CSMD1: variants seen among roughly 807,000 people sequenced by gnomAD.
The protein encoded by CSMD1 is CUB and Sushi multiple domains 1.
CSMD1 carries 213 observed loss-of-function variants against 417.5 expected under a neutral mutation model. That is an observed-to-expected ratio of 0.51 (90% confidence interval 0.46 to 0.57). CSMD1 has a LOEUF of 0.57. CSMD1 is among the 20% of genes least tolerant of loss of function. The pLI is 0.00. For synonymous variants in CSMD1, 2,862 were observed against 1,736.8 expected (o/e 1.65, Z -16.11); for missense variants, 6,923 against 4,529.7 (o/e 1.53, Z -15.17).
chr8:4,387,467 TG>T (rs1803526629), intron 3 of CSMD1, among the ~76,000 whole-genome samples: 2 of 150,760 alleles, frequency 1.3e-5, no homozygotes, highest in Admixed American at 6.7e-5. Flanking sequence ...ATCAGGAAGT[TG>T]AGTGTACTTT....
chr8:3,380,198 C>G (rs1043385349), intron 18 of CSMD1, among the ~76,000 whole-genome samples: 2 of 152,188 alleles, frequency 1.3e-5, no homozygotes, highest in Admixed American at 1.3e-4. Flanking sequence ...GACACAGTCT[C>G]ACAACCGTTA....
chr8:3,761,053 C>T (rs1039273449), intron 5 of CSMD1, among the ~76,000 whole-genome samples: 1 of 152,128 alleles, frequency 6.6e-6, no homozygotes, highest in African/African-American at 2.4e-5. Flanking sequence ...ATAGAACAAC[C>T]TGATCAAACA....
rs149945376 is a variant in CSMD1 at position 3,399,661 on chromosome 8, A to G, written c.2267-132T>C. ...ATTTTCAAGTATCAAAGCAAATCTT[A>G]TTCCCAAGGAAACTGTACATTTATT... On this transcript the variant is annotated intron_variant, in intron 15 of 69. Coordinates refer to ENST00000635120, the MANE Select transcript of CSMD1 (RefSeq NM_033225.6). The G allele has an allele frequency of 2.0e-3, 1,305 of 641,844 alleles. 6 individuals carry two copies. The Middle Eastern group carries it at 0.023, about 11-fold the overall frequency. 39.8% of individuals were successfully genotyped at this position (641,844 alleles called of 1,614,324 possible).
chr8:3,246,795 T>A (rs1799912951), intron 26 of CSMD1, among the ~76,000 whole-genome samples: 1 of 152,190 alleles, frequency 6.6e-6, no homozygotes. Flanking sequence ...TAATCATCAA[T>A]ATTTACATGG....
intron 1 of CSMD1, among the ~76,000 whole-genome samples, chr8:4,638,266 A>C (rs1052613425): frequency 6.6e-6 from 1 of 152,172 alleles, no homozygotes; most frequent in African/African-American, 2.4e-5. Flanking sequence ...AAGAATAAAC[A>C]TTATAAAACT....
intron 2 of CSMD1, among the ~76,000 whole-genome samples, chr8:4,561,961 G>C (rs777819630): frequency 6.6e-6 from 1 of 152,102 alleles, no homozygotes; most frequent in Non-Finnish European, 1.5e-5. Context: ...CCCTCACAAC[G>C]CCCATCCGGT....
chr8:3,587,410 G>A (rs982094661), intron 8 of CSMD1, among the ~76,000 whole-genome samples: 1 of 152,188 alleles, frequency 6.6e-6, no homozygotes, highest in African/African-American at 2.4e-5. Flanking sequence ...ACGGGTTGAT[G>A]TTGAGGAAAC....
At chr8:3,219,561 G>A (rs1388734697) in intron 28 of CSMD1, 119 bp from the exon 29 acceptor site, 11 of 682,376 alleles carry the variant, frequency 1.6e-5, no homozygotes, top group East Asian at 3.1e-5. Context: ...TTTTCAGTTA[G>A]GGCAATCAAA....
At chr8:3,955,835 C>G (rs954143503) in intron 5 of CSMD1, among the ~76,000 whole-genome samples, 1 of 152,178 alleles carries the variant, frequency 6.6e-6, no homozygotes, top group East Asian at 1.9e-4. Context: ...TCACTTTGCC[C>G]CCTGCCACAC....
chr8:4,506,402 A>G (rs1050554824), intron 2 of CSMD1, among the ~76,000 whole-genome samples: 2 of 152,028 alleles, frequency 1.3e-5, no homozygotes, highest in Admixed American at 1.3e-4. Context: ...GGAGAGAGAG[A>G]AAGTGATGAA....
At chr8:4,233,631 C>G (rs924987044) in intron 3 of CSMD1, among the ~76,000 whole-genome samples, 4 of 152,080 alleles carry the variant, frequency 2.6e-5, no homozygotes, top group Admixed American at 2.6e-4. Flanking sequence ...CTTGGACTGC[C>G]CAGATGCTCC....
intron 5 of CSMD1, among the ~76,000 whole-genome samples, chr8:3,786,568 G>A (rs749087816): frequency 1.3e-5 from 2 of 152,100 alleles, no homozygotes; most frequent in African/African-American, 2.4e-5. Flanking sequence ...ACTTTACAAC[G>A]GCCTAGGATG....
intron 6 of CSMD1, among the ~76,000 whole-genome samples, chr8:3,751,634 C>G (rs935857014): frequency 6.6e-6 from 1 of 151,306 alleles, no homozygotes. Context: ...TCATTAATTA[C>G]ATATTTTTTT....
At chr8:3,071,361 A>G (rs911928856) in intron 49 of CSMD1, among the ~76,000 whole-genome samples, 2 of 152,158 alleles carry the variant, frequency 1.3e-5, no homozygotes, top group Non-Finnish European at 2.9e-5. Flanking sequence ...CGGGGTGGGG[A>G]GCAAGAGGAG....
chr8:4,956,433 A>T (rs756550197), intron 1 of CSMD1, among the ~76,000 whole-genome samples: 2 of 149,062 alleles, frequency 1.3e-5, no homozygotes, highest in Non-Finnish European at 3.0e-5. Flanking sequence ...ATATGTGCAT[A>T]TATTTAATAT....
At chr8:4,429,631 C>T (rs1033869387) in intron 2 of CSMD1, among the ~76,000 whole-genome samples, 2 of 152,132 alleles carry the variant, frequency 1.3e-5, no homozygotes, top group Admixed American at 1.3e-4. Context: ...GAGAGAGAAA[C>T]GAATGCACAG....
At chr8:4,259,986 C>G (rs758782199) in intron 3 of CSMD1, among the ~76,000 whole-genome samples, 1 of 151,602 alleles carries the variant, frequency 6.6e-6, no homozygotes, top group Non-Finnish European at 1.5e-5. Context: ...TGATAACAGA[C>G]CTATAAAGCA....
At chr8:3,707,716 T>C (rs1255632955) in intron 7 of CSMD1, among the ~76,000 whole-genome samples, 1 of 152,148 alleles carries the variant, frequency 6.6e-6, no homozygotes, top group African/African-American at 2.4e-5. Context: ...AAGGAGCACA[T>C]AGGCTGTTGG....
intron 3 of CSMD1, among the ~76,000 whole-genome samples, chr8:4,393,934 A>G (rs529862382): frequency 3.3e-5 from 5 of 152,316 alleles, no homozygotes; most frequent in African/African-American, 1.2e-4. Context: ...ATTGTAAGAT[A>G]TTGCCTGTGT....
Sources: gnomAD v4.1 joint callset for allele counts (sites outside exome capture counted in the v4.1 genomes callset) on GRCh38, gnomAD v4.1.1 for gene constraint, MANE v1.5 for transcripts, NCBI Gene and HGNC (gene_info 2026-07-23, HGNC 2026-07-21) for gene names.